The following TRAPPC9 variants were observed in gnomAD, a reference collection of about 807,000 sequenced individuals.
TRAPPC9 encodes the protein IKK2 binding protein.
Under a neutral mutation model 124.0 loss-of-function variants are expected in TRAPPC9, and 83 were observed. That is an observed-to-expected ratio of 0.67 (90% confidence interval 0.56 to 0.80). The LOEUF (loss-of-function observed/expected upper bound fraction) is 0.80. Among genes scored for constraint, TRAPPC9 ranks in the 30% least tolerant of loss-of-function variants. TRAPPC9 has a pLI of 0.00. For synonymous variants in TRAPPC9, 638 were observed against 617.5 expected (o/e 1.03, Z -0.49); for missense variants, 1,302 against 1,508.3 (o/e 0.86, Z 2.27).
intron 17 of TRAPPC9, among the ~76,000 whole-genome samples, chr8:140,112,705 C>T (rs2060805039): frequency 6.6e-6 from 1 of 152,216 alleles, no homozygotes; most frequent in African/African-American, 2.4e-5. Flanking sequence ...GCCACATTCA[C>T]AGGTGGAGAC....
chr8:140,443,717 A>T (rs1041368500), intron 2 of TRAPPC9, among the ~76,000 whole-genome samples: 9 of 152,126 alleles, frequency 5.9e-5, no homozygotes, highest in African/African-American at 2.2e-4. Context: ...CCTGTCCAAC[A>T]TAGCAAAACC....
chr8:140,295,078 C>G (rs536343617), intron 11 of TRAPPC9, among the ~76,000 whole-genome samples: 1 of 152,180 alleles, frequency 6.6e-6, no homozygotes, highest in African/African-American at 2.4e-5. Flanking sequence ...CTCCCTGTTG[C>G]GGGACACACT....
intron 17 of TRAPPC9, among the ~76,000 whole-genome samples, chr8:140,168,162 T>C (rs1032608882): frequency 1.3e-5 from 2 of 152,236 alleles, no homozygotes; most frequent in Admixed American, 6.5e-5. Flanking sequence ...AGGTATCTTA[T>C]TAGTGTGGCA....
At chr8:139,755,849 G>A (rs367889720) in intron 21 of TRAPPC9, among the ~76,000 whole-genome samples, 4 of 139,852 alleles carry the variant, frequency 2.9e-5, no homozygotes, top group Non-Finnish European at 4.6e-5. Context: ...GCCAGGGTTT[G>A]GGGATGAGGA....
chr8:139,963,556 T>C (rs1230948934), intron 19 of TRAPPC9, among the ~76,000 whole-genome samples: 1 of 152,174 alleles, frequency 6.6e-6, no homozygotes, highest in East Asian at 1.9e-4. Context: ...CTCATTCTCC[T>C]TTCATGGCCT....
Position 139,907,742 on chromosome 8 carries a change from T to G in TRAPPC9, c.2964+2405A>C, listed in dbSNP as rs1831450050. Among the ~76,000 whole-genome samples the G allele has an allele frequency of 6.6e-6, 1 of 152,196 alleles. No homozygotes were observed. The highest frequency in any genetic ancestry group is 1.5e-5 in the Non-Finnish European group (1 of 68,038). On this transcript the variant is annotated intron_variant, in intron 20 of 22. Transcript: ENST00000438773. The surrounding 1 kb of genome is among the most constrained non-coding windows in gnomAD (Gnocchi z 4.7). ...TGTGTTGCATGAATTATTAAGCAAA[T>G]ATACAGAAAATAGAGAAGTCAAACG...
chr8:140,157,646 TGTTCGATC>T (rs1240906619), intron 17 of TRAPPC9, among the ~76,000 whole-genome samples: 1 of 152,158 alleles, frequency 6.6e-6, no homozygotes, highest in Non-Finnish European at 1.5e-5. Context: ...ACCAATTCTG[TGTTCGATC>T]ATACATTTTC....
intron 18 of TRAPPC9, among the ~76,000 whole-genome samples, chr8:140,008,102 T>C (rs547283280): frequency 5.9e-5 from 9 of 152,256 alleles, no homozygotes; most frequent in Middle Eastern, 6.8e-3. Context: ...ATATTAATAA[T>C]AGGAATGGCA....
intron 19 of TRAPPC9, among the ~76,000 whole-genome samples, chr8:139,938,841 T>C (rs1427399214): frequency 6.7e-6 from 1 of 150,120 alleles, no homozygotes; most frequent in African/African-American, 2.5e-5. Flanking sequence ...GAGACGGGGT[T>C]TCACCTTGCT....
At chr8:140,170,803 C>T (rs888273873) in intron 17 of TRAPPC9, among the ~76,000 whole-genome samples, 3 of 152,354 alleles carry the variant, frequency 2.0e-5, no homozygotes, top group African/African-American at 7.2e-5. Context: ...TCCAGCGCTA[C>T]TCCTGTGCTG....
chr8:140,189,096 T>C (rs751621551), intron 17 of TRAPPC9, among the ~76,000 whole-genome samples: 16 of 152,186 alleles, frequency 1.1e-4, no homozygotes, highest in Non-Finnish European at 1.0e-4. Flanking sequence ...CTCACATCAA[T>C]TCCCTCCTTT....
intron 2 of TRAPPC9, among the ~76,000 whole-genome samples, chr8:140,444,867 G>GAAAAAATAA (rs2071183110): frequency 8.8e-6 from 1 of 113,984 alleles, no homozygotes; most frequent in African/African-American, 3.4e-5. Flanking sequence ...CCAATCTCAG[G>GAAAAAATAA]AAAAAAAAAA....
chr8:139,774,109 CG>C (rs1002805985), intron 21 of TRAPPC9, among the ~76,000 whole-genome samples: 3 of 152,162 alleles, frequency 2.0e-5, no homozygotes, highest in African/African-American at 7.2e-5. Context: ...CACATGGACG[CG>C]GGCGAAGGCC....
intron 21 of TRAPPC9, among the ~76,000 whole-genome samples, chr8:139,837,885 A>G (rs1306254914): frequency 6.6e-6 from 1 of 151,450 alleles, no homozygotes; most frequent in Non-Finnish European, 1.5e-5. Flanking sequence ...AGTTCAGGCC[A>G]GCAGGAGCTC....
rs1299072464 is a variant in TRAPPC9, at chr8:140,257,313, C to T, written c.2279-4384G>A. On this transcript the variant is annotated intron_variant, in intron 15 of 22. Coordinates refer to ENST00000438773, the MANE Select transcript of TRAPPC9 (RefSeq NM_001160372.4). This position sits in a 1 kb window ranked among gnomAD's most constrained non-coding sequence, Gnocchi z 4.6. ...GCCTCAGTCCTCTGGCAGCTCAGAA[C>T]GCAGTTGCTGCCTCTTCTCCACGCA... Among the ~76,000 whole-genome samples the T allele has an allele frequency of 1.3e-5, 2 of 152,240 alleles. No homozygotes were observed. Among genetic ancestry groups the T allele is most frequent in the South Asian group, 2.1e-4 (1 of 4,834 alleles).
intron 18 of TRAPPC9, among the ~76,000 whole-genome samples, chr8:139,997,247 G>A (rs940668132): frequency 6.6e-6 from 1 of 151,952 alleles, no homozygotes; most frequent in Non-Finnish European, 1.5e-5. Context: ...TCCTTCATAG[G>A]GGAGACAATG....
At chr8:139,865,110 G>C (rs1319572356) in intron 21 of TRAPPC9, among the ~76,000 whole-genome samples, 2 of 152,146 alleles carry the variant, frequency 1.3e-5, no homozygotes, top group Admixed American at 1.3e-4. Flanking sequence ...AAAACTCAAG[G>C]AGGCCCAGCA....
chr8:140,456,011 C>T (rs11166982), intron 1 of TRAPPC9, among the ~76,000 whole-genome samples: 1 of 151,850 alleles, frequency 6.6e-6, no homozygotes, highest in African/African-American at 2.4e-5. Flanking sequence ...CAGGGGCTGT[C>T]GGAGGGGGGA....
At chr8:140,161,947 G>A (rs1013694652) in intron 17 of TRAPPC9, among the ~76,000 whole-genome samples, 2 of 152,110 alleles carry the variant, frequency 1.3e-5, no homozygotes, top group African/African-American at 4.8e-5. Context: ...GCAGCCTCCC[G>A]CAGCCAAGCC....
Sources: gnomAD v4.1 joint callset for allele counts (sites outside exome capture counted in the v4.1 genomes callset) on GRCh38, gnomAD v4.1.1 for gene constraint, Gnocchi (gnomAD v3.1) non-coding constraint, MANE v1.5 for transcripts, NCBI Gene and HGNC (gene_info 2026-07-23, HGNC 2026-07-21) for gene names.